CCNT2: variants seen among roughly 807,000 people sequenced by gnomAD.
The protein encoded by CCNT2 is cyclin-T2.
In CCNT2, 18 loss-of-function variants were observed where a neutral mutation model predicts 70.0. The ratio of observed to expected loss-of-function variants is 0.26; its 90% CI spans 0.18 to 0.38. CCNT2 has a LOEUF of 0.38. CCNT2 is among the 10% of genes least tolerant of loss of function. CCNT2 has a pLI of 1.00. For missense variants in CCNT2, 734 were observed against 890.2 expected, an observed-to-expected ratio of 0.82 and a Z score of 2.23; for synonymous variants, 334 against 313.3, an observed-to-expected ratio of 1.07 and a Z score of -0.70.
chr2:134,945,819 G>T, intron 5 of CCNT2: 1 of 1,426,784 alleles, frequency 7.0e-7, no homozygotes, highest in Non-Finnish European at 9.3e-7. Flanking sequence ...TAGCTGACTA[G>T]ATGCTTAACT....
At chr2:134,919,745 C>A in intron 1 of CCNT2, 65 bp from the exon 2 acceptor site, 1 of 1,258,704 alleles carries the variant, frequency 7.9e-7, no homozygotes, top group Admixed American at 2.0e-5. Context: ...GGGAATTTTC[C>A]ATCAAAATTG....
At chr2:134,928,347 C>T (rs970860031) in intron 2 of CCNT2, among the ~76,000 whole-genome samples, 3 of 142,874 alleles carry the variant, frequency 2.1e-5, no homozygotes, top group African/African-American at 7.9e-5. Context: ...GGCGCGATCT[C>T]GGCTCACCAC....
chr2:134,929,961 T>G (rs994108502), intron 2 of CCNT2, among the ~76,000 whole-genome samples: 1 of 151,450 alleles, frequency 6.6e-6, no homozygotes, highest in Non-Finnish European at 1.5e-5. Flanking sequence ...TAAATAGATG[T>G]CTTTAACGTT....
At chr2:134,926,952 C>T (rs1680341106) in intron 2 of CCNT2, among the ~76,000 whole-genome samples, 1 of 152,170 alleles carries the variant, frequency 6.6e-6, no homozygotes, top group Admixed American at 6.5e-5. Context: ...TCCAGTGGGA[C>T]TTCATCTTTC....
intron 6 of CCNT2, among the ~76,000 whole-genome samples, chr2:134,946,686 T>C (rs1397100814): frequency 6.6e-6 from 1 of 151,492 alleles, no homozygotes; most frequent in Non-Finnish European, 1.5e-5. Flanking sequence ...TTTTTCCTTT[T>C]TTTTTTTTTT....
At chr2:134,931,990 C>A (rs1318558410) in intron 2 of CCNT2, among the ~76,000 whole-genome samples, 1 of 151,686 alleles carries the variant, frequency 6.6e-6, no homozygotes, top group Non-Finnish European at 1.5e-5. Flanking sequence ...TGGTTTTTTT[C>A]ATTTTTTCTT....
chr2:134,952,883 T>C (rs1159883597), intron 8 of CCNT2, 172 bp downstream of exon 8: 2 of 548,178 alleles, frequency 3.6e-6, no homozygotes, highest in East Asian at 3.1e-5. Flanking sequence ...TGGACTTTGC[T>C]AAAGTACATT....
intron 3 of CCNT2, among the ~76,000 whole-genome samples, chr2:134,937,421 A>G (rs1681239343): frequency 1.3e-5 from 2 of 152,322 alleles, no homozygotes; most frequent in African/African-American, 4.8e-5. Flanking sequence ...ACTACTGCTT[A>G]TCTCTCTGAT....
intron 7 of CCNT2, among the ~76,000 whole-genome samples, chr2:134,952,371 T>TA (rs1553526595): frequency 6.6e-6 from 1 of 150,442 alleles, no homozygotes; most frequent in Admixed American, 6.6e-5. Context: ...TTTTTTTTAT[T>TA]GGGGGGGTGA....
chr2:134,951,598 T>C (rs192503565), intron 7 of CCNT2, among the ~76,000 whole-genome samples: 2 of 152,232 alleles, frequency 1.3e-5, no homozygotes, highest in African/African-American at 4.8e-5. Context: ...TCCAGCACTT[T>C]GGGAGGCCAA....
At chr2:134,939,758 G>A (rs1373316069) in intron 4 of CCNT2, among the ~76,000 whole-genome samples, 1 of 152,152 alleles carries the variant, frequency 6.6e-6, no homozygotes, top group South Asian at 2.1e-4. Context: ...GCGTCACCAC[G>A]CCCGGCCTAT....
At chr2:134,922,024 G>A (rs1020445196) in intron 2 of CCNT2, among the ~76,000 whole-genome samples, 12 of 152,108 alleles carry the variant, frequency 7.9e-5, no homozygotes, top group African/African-American at 2.2e-4. Context: ...CAGTGCACTT[G>A]CATCAATTGC....
At chr2:134,923,938 T>C (rs376330409) in intron 2 of CCNT2, among the ~76,000 whole-genome samples, 27 of 152,366 alleles carry the variant, frequency 1.8e-4, no homozygotes, top group African/African-American at 6.3e-4. Context: ...CTCAGATTTT[T>C]ATTTGCCCGC....
chr2:134,936,410 A>T (rs755052793), intron 2 of CCNT2, among the ~76,000 whole-genome samples: 13 of 152,130 alleles, frequency 8.5e-5, no homozygotes, highest in Non-Finnish European at 1.6e-4. Flanking sequence ...CTCACAGTTC[A>T]TACTATTAAT....
At position 134,954,763 on chromosome 2, in the gene CCNT2, A is replaced by G; in HGVS notation, c.*115A>G. 1.6e-6 allele frequency: 1 copy of G among 643,538 alleles called. No individual in the cohort carries two copies. Among genetic ancestry groups the G allele is most frequent in the Non-Finnish European group, 2.8e-6 (1 of 363,248 alleles). The allele number at this position is 643,538 out of a possible 1,614,324, so 39.9% of individuals were successfully genotyped here. A position where few individuals can be genotyped will look rare whatever the true frequency, so the allele number is the denominator to read the frequency against. Reference sequence around the variant, plus strand: ...CTGCTGTTGCTGCCACTGCTTCAATATTTGTAAGTGCTGCTTTATTCTTCA... The same window carrying G: ...CTGCTGTTGCTGCCACTGCTTCAATGTTTGTAAGTGCTGCTTTATTCTTCA... On this transcript the variant is annotated 3_prime_UTR_variant, in exon 9 of 9. Transcript: ENST00000264157.
At chr2:134,934,980 T>C (rs1416956297) in intron 2 of CCNT2, among the ~76,000 whole-genome samples, 2 of 152,228 alleles carry the variant, frequency 1.3e-5, no homozygotes, top group Non-Finnish European at 2.9e-5. Flanking sequence ...GAATGTCTTA[T>C]GTGGGCATCA....
chr2:134,919,058 C>T (rs1679626881), intron 1 of CCNT2, 46 bp downstream of exon 1: 2 of 1,540,122 alleles, frequency 1.3e-6, no homozygotes, highest in Non-Finnish European at 8.7e-7. Flanking sequence ...TTCCCTTGCC[C>T]GGTCGCCGGG....
intron 7 of CCNT2, among the ~76,000 whole-genome samples, chr2:134,950,310 G>T (rs1682376381): frequency 6.6e-6 from 1 of 152,120 alleles, no homozygotes; most frequent in Admixed American, 6.5e-5. Flanking sequence ...GAACTGATAT[G>T]TTAAGACTTT....
chr2:134,937,987 A>C (rs932459250), intron 3 of CCNT2, among the ~76,000 whole-genome samples: 1 of 152,222 alleles, frequency 6.6e-6, no homozygotes, highest in East Asian at 1.9e-4. Context: ...TGACTAACAG[A>C]TTATATTAAT....
Sources: gnomAD v4.1 joint callset for allele counts (sites outside exome capture counted in the v4.1 genomes callset) on GRCh38, gnomAD v4.1.1 for gene constraint, MANE v1.5 for transcripts, NCBI Gene and HGNC (gene_info 2026-07-23, HGNC 2026-07-21) for gene names.